The following PTPRD variants were observed in gnomAD, a reference collection of about 807,000 sequenced individuals.
The protein encoded by PTPRD is protein tyrosine phosphatase receptor type D.
In PTPRD, 34 loss-of-function variants were observed where a neutral mutation model predicts 214.5. That is an observed-to-expected ratio of 0.16 (90% CI 0.12 to 0.21). The LOEUF (loss-of-function observed/expected upper bound fraction) is 0.21, where lower values mean the gene tolerates loss of function less well. Ranked by LOEUF, PTPRD falls within the 10% of genes least tolerant of loss-of-function variation. PTPRD has a pLI of 1.00. For synonymous variants in PTPRD, 1,128 were observed against 845.7 expected (o/e 1.33, Z -5.79); for missense variants, 2,545 against 2,398.7 (o/e 1.06, Z -1.27).
intron 39 of PTPRD, among the ~76,000 whole-genome samples, chr9:8,352,933 A>T (rs939841826): frequency 1.3e-5 from 2 of 152,130 alleles, no homozygotes; most frequent in Admixed American, 1.3e-4. Context: ...CAACATGGTG[A>T]AACCCCGTCT....
At position 9,195,185 on chromosome 9, in the gene PTPRD, G is replaced by A. The variant is rs2099937773; in HGVS notation, c.-202-11822C>T. Reference sequence around the variant, plus strand: ...AAATTGTTAAGCTGACATGGTGTTAGCCCTCAAAGCTATGAAAACTTGAGC... The same window carrying A: ...AAATTGTTAAGCTGACATGGTGTTAACCCTCAAAGCTATGAAAACTTGAGC... On this transcript the variant is annotated intron_variant, in intron 9 of 45. Transcript: ENST00000381196. Among the ~76,000 whole-genome samples the A allele has an allele frequency of 7.9e-5, 12 of 150,950 alleles. No homozygotes were observed. The Admixed American group carries it at 8.0e-4, about 10-fold the overall frequency.
chr9:9,686,497 G>A (rs1327246174), intron 7 of PTPRD, among the ~76,000 whole-genome samples: 1 of 151,272 alleles, frequency 6.6e-6, no homozygotes, highest in Non-Finnish European at 1.5e-5. Flanking sequence ...ATTATTCTAT[G>A]TAGATATTAT....
chr9:9,447,087 A>G (rs929536513), intron 8 of PTPRD, among the ~76,000 whole-genome samples: 6 of 152,144 alleles, frequency 3.9e-5, no homozygotes, highest in African/African-American at 1.4e-4. Context: ...TAGTTCAACC[A>G]TTTGTGGAGA....
intron 2 of PTPRD, among the ~76,000 whole-genome samples, chr9:10,434,464 C>G (rs2098704059): frequency 6.6e-6 from 1 of 151,854 alleles, no homozygotes; most frequent in Admixed American, 6.6e-5. Flanking sequence ...TTGCTTAGCT[C>G]TCCATCTTAT....
chr9:8,878,430 A>G (rs1410553513), intron 11 of PTPRD, among the ~76,000 whole-genome samples: 1 of 152,196 alleles, frequency 6.6e-6, no homozygotes, highest in Non-Finnish European at 1.5e-5. Context: ...GAATAAAAGT[A>G]AGTAAGAAGG....
chr9:8,331,301 G>A (rs549369771), intron 44 of PTPRD, among the ~76,000 whole-genome samples: 1 of 152,094 alleles, frequency 6.6e-6, no homozygotes, highest in Non-Finnish European at 1.5e-5. Context: ...ACTAGGGGAG[G>A]TACCAACAAT....
intron 10 of PTPRD, among the ~76,000 whole-genome samples, chr9:9,069,665 G>C (rs963598414): frequency 6.6e-6 from 1 of 152,148 alleles, no homozygotes; most frequent in Admixed American, 6.5e-5. Flanking sequence ...GACCAGTGTC[G>C]TGCCTGACTC....
Position 8,737,612 on chromosome 9 carries a change from T to C in PTPRD, c.-103-3666A>G, listed in dbSNP as rs576948689. ...CACACATTATCCAGCATTTGTCCAA[T>C]AGCCTCAGCAGAAGCCAACCCTTTG... is the stretch of plus-strand genomic sequence containing the variant. On this transcript the variant is annotated intron_variant, in intron 11 of 45. Coordinates refer to ENST00000381196, the MANE Select transcript of PTPRD (RefSeq NM_002839.4). 2.0e-3 allele frequency among the ~76,000 whole-genome samples: 302 copies of C among 152,040 alleles called. 2 individuals are homozygous for C. The highest frequency in any genetic ancestry group is 6.9e-3 in the African/African-American group (284 of 41,442).
At chr9:10,392,946 G>A (rs2098098525) in intron 2 of PTPRD, among the ~76,000 whole-genome samples, 1 of 151,886 alleles carries the variant, frequency 6.6e-6, no homozygotes, top group Admixed American at 6.6e-5. Flanking sequence ...AGTGGGGTCT[G>A]CTGGATTCTC....
At chr9:8,833,269 A>T (rs569036231) in intron 11 of PTPRD, among the ~76,000 whole-genome samples, 27 of 152,272 alleles carry the variant, frequency 1.8e-4, no homozygotes, top group East Asian at 1.7e-3. Flanking sequence ...CCAAGAGGTT[A>T]TTAGCATTGA....
At chr9:9,431,663 A>G (rs1345070975) in intron 8 of PTPRD, among the ~76,000 whole-genome samples, 1 of 152,174 alleles carries the variant, frequency 6.6e-6, no homozygotes, top group Non-Finnish European at 1.5e-5. Flanking sequence ...CCAAATGTCC[A>G]ACAATGATAG....
rs190914010 is a variant in PTPRD at position 9,917,576 on chromosome 9, C to A, written c.-368+20931G>T. ...AAAATGAAGCAGAAGGTATTCCTCC[C>A]AAATTATTTGTTGAGGTCAGCATAA... On this transcript the variant is annotated intron_variant, in intron 5 of 45. Transcript: ENST00000381196. 4.5e-3 allele frequency among the ~76,000 whole-genome samples: 680 copies of A among 151,606 alleles called. 2 individuals are homozygous for A. The highest frequency in any genetic ancestry group is 8.0e-3 in the Non-Finnish European group (543 of 67,774).
chr9:9,307,587 T>C (rs180877363), intron 9 of PTPRD, among the ~76,000 whole-genome samples: 4 of 152,276 alleles, frequency 2.6e-5, no homozygotes, highest in Admixed American at 2.6e-4. Flanking sequence ...CTAACTACTG[T>C]TGCTTTAGGT....
At chr9:10,342,629 A>C (rs1362117823) in intron 2 of PTPRD, among the ~76,000 whole-genome samples, 1 of 152,074 alleles carries the variant, frequency 6.6e-6, no homozygotes, top group Non-Finnish European at 1.5e-5. Flanking sequence ...TACTTAGAGT[A>C]TATTATTTTA....
chr9:9,578,389 A>G (rs895252352), intron 7 of PTPRD, among the ~76,000 whole-genome samples: 2 of 152,106 alleles, frequency 1.3e-5, no homozygotes, highest in African/African-American at 4.8e-5. Flanking sequence ...AATTCATGAA[A>G]TTGGCATCTT....
chr9:10,436,554 T>C (rs2098719186), intron 2 of PTPRD, among the ~76,000 whole-genome samples: 1 of 151,686 alleles, frequency 6.6e-6, no homozygotes, highest in African/African-American at 2.4e-5. Context: ...TATTATATTA[T>C]ATAAAATGCA....
chr9:9,939,286 T>C lies in PTPRD; in HGVS notation c.-471-676A>G, dbSNP rs114693888. ...GGTAGGGTCTTGTACTGCACACAAA[T>C]AGAGCTACTGACCTTTAGTATTTTA... On this transcript the variant is annotated intron_variant, in intron 4 of 45. Transcript: ENST00000381196. 2.8e-3 allele frequency among the ~76,000 whole-genome samples: 426 copies of C among 152,260 alleles called. 2 individuals are homozygous for C. Among genetic ancestry groups the C allele is most frequent in the African/African-American group, 9.3e-3 (387 of 41,560 alleles).
At chr9:10,512,467 G>C (rs988882638) in intron 2 of PTPRD, among the ~76,000 whole-genome samples, 4 of 152,108 alleles carry the variant, frequency 2.6e-5, no homozygotes, top group Non-Finnish European at 5.9e-5. Flanking sequence ...ATGCTATACA[G>C]AGAGATAGTG....
chr9:10,458,503 C>T (rs77603814), intron 2 of PTPRD, among the ~76,000 whole-genome samples: 1,826 of 152,204 alleles, frequency 0.012, 33 homozygotes, highest in African/African-American at 0.039. Context: ...TCTTTCTTGA[C>T]AAAGCCTCTC....
Sources: gnomAD v4.1 joint callset for allele counts (sites outside exome capture counted in the v4.1 genomes callset) on GRCh38, gnomAD v4.1.1 for gene constraint, MANE v1.5 for transcripts, NCBI Gene and HGNC (gene_info 2026-07-23, HGNC 2026-07-21) for gene names.